The following SCGB2B2 variants were observed in gnomAD, a reference collection of about 807,000 sequenced individuals.
The protein encoded by SCGB2B2 is secretoglobin family 2B member 2.
SCGB2B2 carries 11 observed loss-of-function variants against 7.6 expected under a neutral mutation model. The observed-to-expected ratio is 1.45, with a 90% CI of 0.91 to 2.40. SCGB2B2 has a LOEUF of 2.40. Among genes scored for constraint, SCGB2B2 ranks in the 30% most tolerant of loss-of-function variants. The pLI is 0.00. For missense variants in SCGB2B2, 104 were observed against 115.4 expected (o/e 0.90, Z 0.45); for synonymous variants, 50 against 48.6 (o/e 1.03, Z -0.12).
intron 1 of SCGB2B2, among the ~76,000 whole-genome samples, chr19:34,641,440 C>T (rs2066837777): frequency 6.6e-6 from 1 of 152,126 alleles, no homozygotes. Context: ...GGGTTTTGGT[C>T]ACTATGTCAA....
Position 34,650,534 on chromosome 19 carries a change from T to C in SCGB2B2, c.-2032+25096A>G, listed in dbSNP as rs574934849. 3.2e-4 allele frequency among the ~76,000 whole-genome samples: 49 copies of C among 151,288 alleles called. 3 individuals are homozygous for C. Among genetic ancestry groups the C allele is most frequent in the African/African-American group, 1.2e-3 (49 of 40,630 alleles). The stretch of plus-strand genomic sequence containing the variant: ...AAATGTATAAATTCCTGGAAAAATA[T>C]AACCTACCGGGATTGAGCCGAAAAG... On this transcript the variant is annotated intron_variant, in intron 1 of 3. Transcript: ENST00000601241.
At chr19:34,637,864 T>G (rs1430858871) in intron 1 of SCGB2B2, 1 of 152,178 alleles carries the variant, frequency 6.6e-6, no homozygotes, top group African/African-American at 2.4e-5. Context: ...ATTGCCAACT[T>G]CAATGGCATA....
At chr19:34,623,443 G>A (rs118071316) in intron 1 of SCGB2B2, among the ~76,000 whole-genome samples, 1,656 of 152,270 alleles carry the variant, frequency 0.011, 71 homozygotes, top group Admixed American at 0.077. Flanking sequence ...TAGAAAGGGC[G>A]TCCTCCTTCT....
At chr19:34,602,694 C>T (rs533363756) in intron 1 of SCGB2B2, among the ~76,000 whole-genome samples, 2 of 152,290 alleles carry the variant, frequency 1.3e-5, no homozygotes, top group African/African-American at 4.8e-5. Context: ...TCAAAGGTCC[C>T]GTGTGCTTGA....
chr19:34,617,919 C>G (rs1729772823), intron 1 of SCGB2B2, among the ~76,000 whole-genome samples: 1 of 152,222 alleles, frequency 6.6e-6, no homozygotes, highest in Admixed American at 6.5e-5. Context: ...TCACCCCTTT[C>G]TTTGACTAGG....
At chr19:34,644,362 G>GTTTTTTTTTTT (rs75799133) in intron 1 of SCGB2B2, among the ~76,000 whole-genome samples, 1 of 134,358 alleles carries the variant, frequency 7.4e-6, no homozygotes, top group Admixed American at 7.4e-5. Flanking sequence ...TTTTTTTTTT[G>GTTTTTTTTTTT]TTTTTTTTTT....
rs2065350334 is a variant in SCGB2B2 at position 34,593,450 on chromosome 19, G to A, written c.*105C>T. On this transcript the variant is annotated 3_prime_UTR_variant, in exon 4 of 4. Coordinates refer to ENST00000601241, the MANE Select transcript of SCGB2B2 (RefSeq NM_001025591.4). ...TGCCAGAACACAGAACTGAGCTGCA[G>A]GTGTTCATTGGGGTCTCTGTAGTGA... 1.3e-6 allele frequency: 1 copy of A among 790,494 alleles called. No homozygotes were observed. The highest frequency in any genetic ancestry group is 1.7e-5 in the African/African-American group (1 of 57,884). The allele number at this position is 790,494 out of a possible 1,614,324, so 49.0% of individuals were successfully genotyped here.
intron 1 of SCGB2B2, among the ~76,000 whole-genome samples, chr19:34,597,043 C>T (rs541749677): frequency 6.6e-6 from 1 of 151,178 alleles, no homozygotes; most frequent in Non-Finnish European, 1.5e-5. Flanking sequence ...GGAGCATGTC[C>T]CTCCCAGTGG....
chr19:34,655,779 C>A (rs1482705982), intron 1 of SCGB2B2, among the ~76,000 whole-genome samples: 1 of 151,158 alleles, frequency 6.6e-6, no homozygotes, highest in East Asian at 1.9e-4. Context: ...CCAAGGCAAG[C>A]AAGAGCAACA....
At chr19:34,601,208 G>A (rs1353466324) in intron 1 of SCGB2B2, among the ~76,000 whole-genome samples, 2 of 152,218 alleles carry the variant, frequency 1.3e-5, no homozygotes, top group Non-Finnish European at 2.9e-5. Flanking sequence ...GAGGGCCGTA[G>A]TTTGCTTCTG....
At chr19:34,653,774 C>T (rs1463200507) in intron 1 of SCGB2B2, among the ~76,000 whole-genome samples, 2 of 151,238 alleles carry the variant, frequency 1.3e-5, no homozygotes, top group East Asian at 3.9e-4. Context: ...AATATCCATT[C>T]ATACTGAAAC....
At chr19:34,653,629 T>C (rs1253826392) in intron 1 of SCGB2B2, among the ~76,000 whole-genome samples, 1 of 151,216 alleles carries the variant, frequency 6.6e-6, no homozygotes, top group East Asian at 1.9e-4. Context: ...TATGACCAAG[T>C]AGACTTTATC....
chr19:34,623,781 T>C (rs1277950157), intron 1 of SCGB2B2, among the ~76,000 whole-genome samples: 1 of 152,176 alleles, frequency 6.6e-6, no homozygotes, highest in African/African-American at 2.4e-5. Flanking sequence ...TGGGACCAAT[T>C]GACTTCTAAG....
At chr19:34,630,948 G>C (rs910338491) in intron 1 of SCGB2B2, among the ~76,000 whole-genome samples, 3 of 151,906 alleles carry the variant, frequency 2.0e-5, no homozygotes, top group South Asian at 2.1e-4. Context: ...AAAATGATGA[G>C]TTCATGTCCT....
intron 1 of SCGB2B2, among the ~76,000 whole-genome samples, chr19:34,602,677 C>T (rs1170547700): frequency 1.3e-5 from 2 of 152,220 alleles, no homozygotes; most frequent in Non-Finnish European, 2.9e-5. Context: ...CACCCCTCTA[C>T]TGATGGTCAA....
chr19:34,661,247 A>T (rs557328065), intron 1 of SCGB2B2, among the ~76,000 whole-genome samples: 9 of 152,264 alleles, frequency 5.9e-5, no homozygotes, highest in Admixed American at 1.3e-4. Flanking sequence ...TGTTATGCAC[A>T]TGTACCCTAG....
intron 1 of SCGB2B2, among the ~76,000 whole-genome samples, chr19:34,658,935 T>A (rs2067369493): frequency 6.6e-6 from 1 of 151,612 alleles, no homozygotes; most frequent in Admixed American, 6.6e-5. Context: ...AAAAAGCTTA[T>A]CCACCATGAT....
intron 1 of SCGB2B2, among the ~76,000 whole-genome samples, chr19:34,621,502 T>C (rs1038307812): frequency 2.7e-5 from 4 of 150,610 alleles, no homozygotes; most frequent in African/African-American, 9.8e-5. Flanking sequence ...GGGCCTTTCA[T>C]ACATGCACTG....
At position 34,594,708 on chromosome 19, in the gene SCGB2B2, T is replaced by C; in HGVS notation, c.-145A>G. 2.8e-6 allele frequency: 2 copies of C among 718,672 alleles called. No homozygotes were observed. The highest frequency in any genetic ancestry group is 4.9e-6 in the Non-Finnish European group (2 of 409,378). The allele number at this position is 718,672 out of a possible 1,614,324, so 44.5% of individuals were successfully genotyped here. On this transcript the variant is annotated 5_prime_UTR_variant, in exon 2 of 4. Transcript: ENST00000601241. ...GTGTGTGTGTGTGTGTGTGTGAATG[T>C]GGTCAGGGCAGGTCTGCAGAGAGAC... is the stretch of plus-strand genomic sequence containing the variant.
Sources: gnomAD v4.1 joint callset for allele counts (sites outside exome capture counted in the v4.1 genomes callset) on GRCh38, gnomAD v4.1.1 for gene constraint, MANE v1.5 for transcripts, NCBI Gene and HGNC (gene_info 2026-07-23, HGNC 2026-07-21) for gene names.